NDUFS4: variants seen among roughly 807,000 people sequenced by gnomAD.
NDUFS4 encodes NADH:ubiquinone oxidoreductase subunit S4, also known as NADH dehydrogenase [ubiquinone] iron-sulfur protein 4, mitochondrial.
Under a neutral mutation model 24.3 loss-of-function variants are expected in NDUFS4, and 28 were observed. The ratio of observed to expected loss-of-function variants is 1.15; its 90% CI spans 0.85 to 1.58. NDUFS4 has a LOEUF of 1.58. NDUFS4 is among the 40% of genes most tolerant of loss of function. NDUFS4 has a pLI of 0.00. For missense variants in NDUFS4, 223 were observed against 207.9 expected (o/e 1.07, Z -0.45); for synonymous variants, 93 against 69.7 (o/e 1.34, Z -1.67).
intron 2 of NDUFS4, among the ~76,000 whole-genome samples, chr5:53,620,698 T>C (rs1347831897): frequency 6.6e-6 from 1 of 152,186 alleles, no homozygotes; most frequent in Non-Finnish European, 1.5e-5. Context: ...ATAAAGCCTT[T>C]CCAAAACAAT....
chr5:53,675,405 G>A lies in NDUFS4; in HGVS notation c.425-7713G>A, dbSNP rs187277820. On this transcript the variant is annotated intron_variant, in intron 4 of 4. Transcript: ENST00000296684. ...TCTCGATTTCCTGACCTCGTGATCC[G>A]CCCGCCTTGGCCTCCCAAAGTGCTG... Among the ~76,000 whole-genome samples the A allele has an allele frequency of 1.6e-4, 24 of 151,976 alleles. No homozygotes were observed. The East Asian group carries it at 3.3e-3, about 21-fold the overall frequency.
chr5:53,647,608 A>G (rs1751906214), intron 3 of NDUFS4, among the ~76,000 whole-genome samples: 1 of 152,210 alleles, frequency 6.6e-6, no homozygotes, highest in South Asian at 2.1e-4. Flanking sequence ...TAGGGCCCAA[A>G]TGTTAAGTAG....
intron 2 of NDUFS4, among the ~76,000 whole-genome samples, chr5:53,629,156 G>C (rs961623388): frequency 7.9e-5 from 12 of 152,026 alleles, no homozygotes; most frequent in African/African-American, 2.9e-4. Context: ...CATTCAGGAG[G>C]AGGTTGTTCA....
At chr5:53,587,441 T>A (rs1397871814) in intron 1 of NDUFS4, among the ~76,000 whole-genome samples, 1 of 152,158 alleles carries the variant, frequency 6.6e-6, no homozygotes, top group Non-Finnish European at 1.5e-5. Flanking sequence ...CTGGTTTTGC[T>A]TATTTTGCAT....
intron 2 of NDUFS4, among the ~76,000 whole-genome samples, chr5:53,627,644 T>C (rs1215521629): frequency 6.6e-6 from 1 of 152,196 alleles, no homozygotes; most frequent in Non-Finnish European, 1.5e-5. Flanking sequence ...TTTGTAGTAA[T>C]TGTGAATGGG....
At chr5:53,560,813 C>T (rs1229098703) in intron 1 of NDUFS4, 53 bp downstream of exon 1, 5 of 1,611,404 alleles carry the variant, frequency 3.1e-6, no homozygotes, top group South Asian at 1.1e-5. Flanking sequence ...TCCATTTTTG[C>T]GGAGTCTCTG....
At chr5:53,646,715 T>C (rs192654184) in intron 3 of NDUFS4, among the ~76,000 whole-genome samples, 20 of 152,290 alleles carry the variant, frequency 1.3e-4, no homozygotes, top group Admixed American at 5.2e-4. Flanking sequence ...TCTGCAGTTT[T>C]GCTTTCTACG....
intron 1 of NDUFS4, among the ~76,000 whole-genome samples, chr5:53,575,164 T>C (rs1356461062): frequency 6.6e-6 from 1 of 152,226 alleles, no homozygotes; most frequent in Non-Finnish European, 1.5e-5. Context: ...CGAGTGCTTC[T>C]GGAGAATTGC....
At chr5:53,595,839 C>G (rs1027221805) in intron 1 of NDUFS4, among the ~76,000 whole-genome samples, 1 of 152,176 alleles carries the variant, frequency 6.6e-6, no homozygotes, top group Non-Finnish European at 1.5e-5. Context: ...TTAGTTCCTA[C>G]CATAGTTCTA....
chr5:53,635,244 A>G (rs1027587054), intron 2 of NDUFS4, among the ~76,000 whole-genome samples: 23 of 150,990 alleles, frequency 1.5e-4, no homozygotes, highest in Non-Finnish European at 5.9e-5. Context: ...ATCCATCCAG[A>G]CATGGTGGCT....
intron 1 of NDUFS4, among the ~76,000 whole-genome samples, chr5:53,561,670 T>A (rs1012546036): frequency 1.3e-5 from 2 of 151,660 alleles, no homozygotes; most frequent in African/African-American, 2.4e-5. Flanking sequence ...GGGTAGGAGG[T>A]GGATGCAAGT....
intron 2 of NDUFS4, among the ~76,000 whole-genome samples, chr5:53,628,514 A>G (rs1015577982): frequency 9.2e-5 from 14 of 152,094 alleles, no homozygotes; most frequent in Admixed American, 7.9e-4. Context: ...CTGGTTCTGG[A>G]CTTTTTTTGG....
chr5:53,582,496 G>A (rs972397530), intron 1 of NDUFS4, among the ~76,000 whole-genome samples: 1 of 152,148 alleles, frequency 6.6e-6, no homozygotes. Flanking sequence ...TACATCCTTC[G>A]GATGTGGGAG....
chr5:53,658,731 A>T, intron 4 of NDUFS4, 107 bp downstream of exon 4: 1 of 752,764 alleles, frequency 1.3e-6, no homozygotes, highest in Non-Finnish European at 2.2e-6. Flanking sequence ...CAGTGGTTTC[A>T]TTGTATCTAA....
intron 4 of NDUFS4, among the ~76,000 whole-genome samples, chr5:53,660,576 C>G (rs1160023914): frequency 6.6e-6 from 1 of 152,192 alleles, no homozygotes; most frequent in African/African-American, 2.4e-5. Flanking sequence ...AATTGCCACA[C>G]TGACTTCCAC....
chr5:53,641,855 A>C (rs1386659453), intron 2 of NDUFS4, among the ~76,000 whole-genome samples: 2 of 152,140 alleles, frequency 1.3e-5, no homozygotes, highest in Non-Finnish European at 2.9e-5. Context: ...TTATGGTTGA[A>C]ATAGAATGTA....
intron 3 of NDUFS4, among the ~76,000 whole-genome samples, chr5:53,655,447 A>G (rs1404367004): frequency 6.8e-6 from 1 of 147,442 alleles, no homozygotes; most frequent in Non-Finnish European, 1.5e-5. Context: ...TAACTTTGTG[A>G]GATTCATCCA....
intron 1 of NDUFS4, chr5:53,573,815 C>G (rs1749301044): frequency 4.4e-6 from 1 of 224,788 alleles, no homozygotes; most frequent in Admixed American, 5.5e-5. Flanking sequence ...TTGTCTCAAA[C>G]TCCTGACCTC....
chr5:53,580,148 C>T (rs1438817725), intron 1 of NDUFS4, among the ~76,000 whole-genome samples: 1 of 152,180 alleles, frequency 6.6e-6, no homozygotes, highest in Non-Finnish European at 1.5e-5. Context: ...TCCACCATGA[C>T]TTCATTTACC....
Sources: gnomAD v4.1 joint callset for allele counts (sites outside exome capture counted in the v4.1 genomes callset) on GRCh38, gnomAD v4.1.1 for gene constraint, MANE v1.5 for transcripts, NCBI Gene and HGNC (gene_info 2026-07-23, HGNC 2026-07-21) for gene names.